Variants in REPS2 observed in about 807,000 individuals in gnomAD.
REPS2 encodes the protein ralBP1-associated Eps domain-containing protein 2.
In REPS2, 23 loss-of-function variants were observed where a neutral mutation model predicts 53.6. That is an observed-to-expected ratio of 0.43 (90% CI 0.31 to 0.61). The LOEUF (loss-of-function observed/expected upper bound fraction) is 0.61. REPS2 is among the 20% of genes least tolerant of loss of function. The probability of loss-of-function intolerance (pLI) is 0.11; values close to 1 mark genes in which losing one functional copy is unlikely to be tolerated. For synonymous variants in REPS2, 238 were observed against 218.6 expected, an observed-to-expected ratio of 1.09 and a Z score of -0.78; for missense variants, 446 against 534.9, an observed-to-expected ratio of 0.83 and a Z score of 1.64.
intron 1 of REPS2, among the ~76,000 whole-genome samples, chrX:16,976,097 C>G (rs1396241309): frequency 9.0e-6 from 1 of 111,517 alleles, no homozygotes; most frequent in Non-Finnish European, 1.9e-5. Flanking sequence ...CTTCTCCAGC[C>G]CCTGGTAACC....
chrX:17,002,481 G>A (rs1373208297), intron 1 of REPS2, among the ~76,000 whole-genome samples: 1 of 111,661 alleles, frequency 9.0e-6, no homozygotes, highest in Admixed American at 9.5e-5. Flanking sequence ...ATCAGATATG[G>A]GGGTTCATGT....
chrX:17,077,250 C>T (rs1234254642), intron 12 of REPS2, 21 bp from the exon 13 acceptor site: 2 of 1,159,960 alleles, frequency 1.7e-6, no homozygotes, highest in Admixed American at 2.7e-5. Flanking sequence ...TCGCTTCTGA[C>T]CTTCCCTTAT....
chrX:17,005,724 T>C (rs546558967), intron 1 of REPS2, among the ~76,000 whole-genome samples: 8 of 112,400 alleles, frequency 7.1e-5, no homozygotes, highest in African/African-American at 2.6e-4. Context: ...TTTGTTCCTC[T>C]GAACTGAGCA....
At chrX:17,170,298 A>G in the REPS2 span, among the ~76,000 whole-genome samples, 1 of 112,538 alleles carries the variant, frequency 8.9e-6, no homozygotes, top group Non-Finnish European at 1.9e-5. Flanking sequence ...TATGAAAGCA[A>G]AAAGGAAAGC....
At chrX:17,121,153 T>A (rs1311740246) in intron 14 of REPS2, among the ~76,000 whole-genome samples, 1 of 111,748 alleles carries the variant, frequency 8.9e-6, no homozygotes, top group Non-Finnish European at 1.9e-5. Context: ...CGCAAGATAA[T>A]TAAAAGAAGC....
intron 15 of REPS2, among the ~76,000 whole-genome samples, chrX:17,134,503 T>C (rs932836995): frequency 1.8e-5 from 2 of 112,301 alleles, no homozygotes; most frequent in Non-Finnish European, 3.8e-5. Flanking sequence ...GCAGACCAAC[T>C]GTGTCCTTCC....
intron 14 of REPS2, among the ~76,000 whole-genome samples, chrX:17,114,622 G>A (rs1172465739): frequency 2.7e-5 from 3 of 112,326 alleles, no homozygotes; most frequent in Admixed American, 1.9e-4. Flanking sequence ...AGATTTACCA[G>A]AATAAAATGA....
chrX:17,002,274 A>C (rs1016436631), intron 1 of REPS2, among the ~76,000 whole-genome samples: 4 of 111,069 alleles, frequency 3.6e-5, no homozygotes, highest in African/African-American at 1.3e-4. Context: ...GATTCTGTGC[A>C]TTGCTGCTCA....
At chrX:16,987,961 G>T (rs978558924) in intron 1 of REPS2, among the ~76,000 whole-genome samples, 1 of 110,966 alleles carries the variant, frequency 9.0e-6, no homozygotes, top group African/African-American at 3.3e-5. Context: ...GGCAAGAAAA[G>T]GAAATAAAAG....
At chrX:17,145,786 G>C (rs1250613573) in intron 17 of REPS2, among the ~76,000 whole-genome samples, 1 of 111,733 alleles carries the variant, frequency 8.9e-6, no homozygotes, top group Non-Finnish European at 1.9e-5. Context: ...TGAATTTTAA[G>C]TTGGGTCATG....
At chrX:17,058,447 C>T (rs2062105265) in intron 8 of REPS2, among the ~76,000 whole-genome samples, 1 of 51,000 alleles carries the variant, frequency 2.0e-5, no homozygotes, top group South Asian at 1.2e-3. Flanking sequence ...AGCTAGACTC[C>T]TTCTCAAAAA....
At chrX:17,021,712 T>G (rs1482811048) in intron 2 of REPS2, among the ~76,000 whole-genome samples, 2 of 112,576 alleles carry the variant, frequency 1.8e-5, no homozygotes, top group African/African-American at 6.5e-5. Flanking sequence ...ACAGAGTTGT[T>G]GTGAGGATTA....
At chrX:17,043,514 C>G (rs866279786) in intron 5 of REPS2, among the ~76,000 whole-genome samples, 2 of 92,767 alleles carry the variant, frequency 2.2e-5, no homozygotes, top group Non-Finnish European at 4.4e-5. Flanking sequence ...GCCCCCCCCC[C>G]CGGCTTTGTG....
At chrX:17,094,151 G>A (rs978765978) in intron 13 of REPS2, among the ~76,000 whole-genome samples, 2 of 111,958 alleles carry the variant, frequency 1.8e-5, no homozygotes, top group Non-Finnish European at 3.8e-5. Context: ...GGTGCATGGA[G>A]CTCAATTTGA....
At chrX:17,105,454 A>C (rs781752435) in intron 14 of REPS2, among the ~76,000 whole-genome samples, 1 of 112,146 alleles carries the variant, frequency 8.9e-6, no homozygotes, top group Non-Finnish European at 1.9e-5. Context: ...AGTAGTTACT[A>C]CCCGGTCCCA....
intron 13 of REPS2, among the ~76,000 whole-genome samples, chrX:17,086,153 G>C (rs962173532): frequency 5.4e-5 from 6 of 111,364 alleles, no homozygotes; most frequent in African/African-American, 2.0e-4. Context: ...GTATTTTGCT[G>C]ATTGTTTGTT....
intron 14 of REPS2, among the ~76,000 whole-genome samples, chrX:17,123,783 T>C (rs2063172567): frequency 8.9e-6 from 1 of 112,513 alleles, no homozygotes; most frequent in African/African-American, 3.2e-5. Context: ...ATTTAGACTG[T>C]GGATAGCCTG....
the REPS2 span, among the ~76,000 whole-genome samples, chrX:17,184,617 A>G: frequency 9.1e-6 from 1 of 109,961 alleles, no homozygotes. Context: ...GACTTCCACA[A>G]TGGTTGAACT....
chrX:17,045,987 C>T lies in REPS2; in HGVS notation c.772-1360C>T, dbSNP rs756153852. ...GGTGTGGGGAATGGGAGGAGATGGC[C>T]GGCCTTCTTTTCTAGGGTTAGTGGG... On this transcript the variant is annotated intron_variant, in intron 5 of 17. Transcript: ENST00000357277. Among the ~76,000 whole-genome samples the T allele has an allele frequency of 1.4e-4, 15 of 108,370 alleles. No individual in the cohort carries two copies. The South Asian group carries it at 3.7e-3, about 27-fold the overall frequency. 94.1% of individuals were successfully genotyped at this position (108,370 alleles called of 115,157 possible). A position where few individuals can be genotyped will look rare whatever the true frequency, so the allele number is the denominator to read the frequency against.
Sources: allele counts gnomAD v4.1 joint callset (sites outside exome capture counted in the v4.1 genomes callset), GRCh38; gene constraint gnomAD v4.1.1; transcripts MANE v1.5; gene names NCBI Gene and HGNC (gene_info 2026-07-23, HGNC 2026-07-21).